LUZP2: variants seen among roughly 807,000 people sequenced by gnomAD.
LUZP2 encodes the protein leucine zipper protein 2.
A neutral mutation model predicts 51.6 loss-of-function variants in LUZP2; 52 were observed. The observed-to-expected ratio is 1.01, with a 90% CI of 0.81 to 1.27. LUZP2 has a LOEUF of 1.27. Among genes scored for constraint, LUZP2 ranks in the 50% most tolerant of loss-of-function variants. LUZP2 has a pLI of 0.00. For synonymous variants in LUZP2, 154 were observed against 137.3 expected (o/e 1.12, Z -0.85); for missense variants, 436 against 395.4 (o/e 1.10, Z -0.87).
chr11:24,961,808 T>G lies in LUZP2; in HGVS notation c.523-14783T>G, dbSNP rs911647160. 4.1e-3 allele frequency among the ~76,000 whole-genome samples: 609 copies of G among 149,954 alleles called. 2 individuals carry two copies. The highest frequency in any genetic ancestry group is 0.014 in the African/African-American group (562 of 41,148). On this transcript the variant is annotated intron_variant, in intron 7 of 11. Transcript: ENST00000336930. The stretch of plus-strand genomic sequence containing the variant: ...TGTCATTATGATGTTAGCTGGTTAT[T>G]TTGCTCGTTAGTTGATGCAGTTTCT...
intron 1 of LUZP2, among the ~76,000 whole-genome samples, chr11:24,601,555 T>C (rs1304077167): frequency 6.6e-6 from 1 of 151,904 alleles, no homozygotes; most frequent in Admixed American, 6.6e-5. Context: ...AATACATTTC[T>C]AATGAAGTTG....
intron 5 of LUZP2, among the ~76,000 whole-genome samples, chr11:24,789,041 T>G (rs181658564): frequency 6.6e-6 from 1 of 152,286 alleles, no homozygotes; most frequent in African/African-American, 2.4e-5. Context: ...AACCCTGCTT[T>G]TTATTTCATC....
chr11:24,545,120 C>G (rs1158757113), intron 1 of LUZP2, among the ~76,000 whole-genome samples: 1 of 149,682 alleles, frequency 6.7e-6, no homozygotes, highest in East Asian at 2.0e-4. Context: ...TTTGCCCACT[C>G]TTTAATTTTT....
chr11:24,973,518 T>G (rs1490921808), intron 7 of LUZP2, among the ~76,000 whole-genome samples: 2 of 152,050 alleles, frequency 1.3e-5, no homozygotes, highest in African/African-American at 4.8e-5. Flanking sequence ...TCTAGTTCTT[T>G]AAGTTGTGTT....
intron 1 of LUZP2, among the ~76,000 whole-genome samples, chr11:24,620,399 C>A (rs948817378): frequency 3.9e-5 from 6 of 152,070 alleles, no homozygotes; most frequent in Non-Finnish European, 8.8e-5. Context: ...TATCTTTCTA[C>A]TTCTGACTTT....
chr11:25,080,047 A>T lies in LUZP2; in HGVS notation c.*1389A>T, dbSNP rs1859422092. On this transcript the variant is annotated 3_prime_UTR_variant, in exon 12 of 12. Coordinates refer to ENST00000336930, the MANE Select transcript of LUZP2 (RefSeq NM_001009909.4). ...GAAAATATCGTTAGCTGTAAAAGTA[A>T]TATTATGACATATTTATGTAGCACT... The T allele has an allele frequency of 6.6e-6, 1 of 152,192 alleles. No individual in the cohort carries two copies. Among genetic ancestry groups the T allele is most frequent in the Non-Finnish European group, 1.5e-5 (1 of 68,018 alleles). The allele number at this position is 152,192 out of a possible 1,614,324, so 9.4% of individuals were successfully genotyped here.
At chr11:24,971,937 C>T (rs887843092) in intron 7 of LUZP2, among the ~76,000 whole-genome samples, 4 of 151,790 alleles carry the variant, frequency 2.6e-5, no homozygotes, top group Non-Finnish European at 5.9e-5. Context: ...GTCAGAAGAT[C>T]GAGACCAGCA....
intron 9 of LUZP2, among the ~76,000 whole-genome samples, chr11:25,005,083 G>C (rs114740940): frequency 6.6e-6 from 1 of 152,126 alleles, no homozygotes; most frequent in African/African-American, 2.4e-5. Context: ...GTCAGAGAGG[G>C]AGAAGGGACA....
At chr11:24,872,302 G>T (rs966780968) in intron 5 of LUZP2, among the ~76,000 whole-genome samples, 1 of 151,988 alleles carries the variant, frequency 6.6e-6, no homozygotes, top group African/African-American at 2.4e-5. Flanking sequence ...CTTCTAATAT[G>T]CTCTGCACAA....
intron 5 of LUZP2, among the ~76,000 whole-genome samples, chr11:24,832,556 A>C (rs1011638178): frequency 7.5e-5 from 4 of 53,188 alleles, no homozygotes; most frequent in African/African-American, 2.8e-4. Context: ...ATTCTGAAAC[A>C]ATGAAATATA....
chr11:24,963,336 T>C (rs1186877324), intron 7 of LUZP2, among the ~76,000 whole-genome samples: 1 of 152,148 alleles, frequency 6.6e-6, no homozygotes, highest in African/African-American at 2.4e-5. Flanking sequence ...GTTACTGCTG[T>C]CTTTTTGTTT....
chr11:24,820,958 G>T (rs1401484796), intron 5 of LUZP2, among the ~76,000 whole-genome samples: 1 of 152,116 alleles, frequency 6.6e-6, no homozygotes, highest in Admixed American at 6.5e-5. Flanking sequence ...TATATGAACA[G>T]TCAGAATCAT....
At chr11:24,898,642 CAA>C (rs1354926030) in intron 5 of LUZP2, among the ~76,000 whole-genome samples, 16 of 147,664 alleles carry the variant, frequency 1.1e-4, no homozygotes, top group South Asian at 4.3e-4. Context: ...AAAAAAAAAA[CAA>C]GAGTTTAAAA....
Position 24,530,066 on chromosome 11 carries a change from C to T in LUZP2, c.62+32761C>T, listed in dbSNP as rs1268642414. ...TGTCCTATAAAACTTGGGTATTAAC[C>T]TTCTTTAATTTTTGTGTTTTTCCTT... On this transcript the variant is annotated intron_variant, in intron 1 of 11. Transcript: ENST00000336930. Among the ~76,000 whole-genome samples, 3 of 150,914 alleles carry T rather than the reference C, an allele frequency of 2.0e-5. No homozygotes were observed. The South Asian group carries it at 6.2e-4, about 31-fold the overall frequency.
At position 25,062,752 on chromosome 11, in the gene LUZP2, T is replaced by A. The variant is rs189211646; in HGVS notation, c.858+12622T>A. 5.4e-3 allele frequency among the ~76,000 whole-genome samples: 821 copies of A among 151,534 alleles called. 10 individuals are homozygous for A. The highest frequency in any genetic ancestry group is 0.018 in the African/African-American group (746 of 41,458). ...TTATTTTTGTCAGTTTTATATACAT[T>A]TCTTGCTTTGTATTAGTGCAATATT... On this transcript the variant is annotated intron_variant, in intron 10 of 11. Coordinates refer to ENST00000336930, the MANE Select transcript of LUZP2 (RefSeq NM_001009909.4).
chr11:24,560,061 T>C (rs942684505), intron 1 of LUZP2, among the ~76,000 whole-genome samples: 7 of 152,060 alleles, frequency 4.6e-5, no homozygotes, highest in African/African-American at 1.4e-4. Context: ...CCCCATGGCA[T>C]GTGTATACCT....
chr11:24,995,412 G>T (rs1856463110), intron 9 of LUZP2, among the ~76,000 whole-genome samples: 1 of 151,880 alleles, frequency 6.6e-6, no homozygotes, highest in African/African-American at 2.4e-5. Context: ...AAAATAAAAA[G>T]CTAATAACAT....
intron 1 of LUZP2, among the ~76,000 whole-genome samples, chr11:24,666,973 G>T (rs1407148503): frequency 6.6e-6 from 1 of 152,068 alleles, no homozygotes; most frequent in African/African-American, 2.4e-5. Flanking sequence ...TTTGCATTGT[G>T]TATGTCACCT....
At chr11:24,682,351 C>T (rs1379591093) in intron 1 of LUZP2, among the ~76,000 whole-genome samples, 4 of 151,302 alleles carry the variant, frequency 2.6e-5, no homozygotes, top group African/African-American at 7.3e-5. Flanking sequence ...AAAAATTAGC[C>T]GGCTACGGTG....
Sources: allele counts gnomAD v4.1 joint callset (sites outside exome capture counted in the v4.1 genomes callset), GRCh38; gene constraint gnomAD v4.1.1; transcripts MANE v1.5; gene names NCBI Gene and HGNC (gene_info 2026-07-23, HGNC 2026-07-21).